Variants in LRP1B observed in about 807,000 individuals in gnomAD.
The protein encoded by LRP1B is LDL receptor related protein 1B, also known as low-density lipoprotein receptor-related protein 1B.
A neutral mutation model predicts 556.6 loss-of-function variants in LRP1B; 217 were observed. The observed-to-expected ratio is 0.39, with a 90% CI of 0.35 to 0.44. The LOEUF is 0.44. Among genes scored for constraint, LRP1B ranks in the 20% least tolerant of loss-of-function variants. The pLI is 1.00. For synonymous variants in LRP1B, 2,047 were observed against 1,865.8 expected (o/e 1.10, Z -2.50); for missense variants, 5,053 against 5,620.8 (o/e 0.90, Z 3.23).
At chr2:141,036,714 T>C (rs1413880191) in intron 11 of LRP1B, among the ~76,000 whole-genome samples, 1 of 151,932 alleles carries the variant, frequency 6.6e-6, no homozygotes, top group Non-Finnish European at 1.5e-5. Context: ...TGCTAGTGTA[T>C]TGCTTGGAAA....
At chr2:141,103,911 C>T (rs1165427895) in intron 7 of LRP1B, among the ~76,000 whole-genome samples, 2 of 152,054 alleles carry the variant, frequency 1.3e-5, no homozygotes, top group East Asian at 1.9e-4. Context: ...GTACCAACCA[C>T]ATTTGGCATT....
chr2:141,010,463 A>G (rs1697707832), intron 14 of LRP1B, among the ~76,000 whole-genome samples: 1 of 151,988 alleles, frequency 6.6e-6, no homozygotes, highest in South Asian at 2.1e-4. Flanking sequence ...TTAATATGTT[A>G]TCTATTTATA....
At chr2:140,760,854 A>G (rs568874580) in intron 35 of LRP1B, among the ~76,000 whole-genome samples, 16 of 152,308 alleles carry the variant, frequency 1.1e-4, no homozygotes, top group Admixed American at 3.9e-4. Context: ...ACACCATCGC[A>G]TTCCAGCCTG....
At chr2:140,321,144 ATGTCTTGAATATGAGGTAAC>A (rs1256167611) in intron 82 of LRP1B, among the ~76,000 whole-genome samples, 2 of 152,088 alleles carry the variant, frequency 1.3e-5, no homozygotes, top group Non-Finnish European at 2.9e-5. Context: ...ATTATACCTA[ATGTCTTGAATATGAGGTAAC>A]TTATTTATTG....
chr2:140,757,684 G>A (rs563647798), intron 35 of LRP1B, among the ~76,000 whole-genome samples: 45 of 152,188 alleles, frequency 3.0e-4, no homozygotes, highest in Non-Finnish European at 6.3e-4. Context: ...AGTTAGAGAC[G>A]AGCCTGGCCA....
intron 66 of LRP1B, among the ~76,000 whole-genome samples, chr2:140,431,354 C>T (rs1483008705): frequency 6.6e-5 from 10 of 152,236 alleles, no homozygotes; most frequent in South Asian, 2.1e-4. Context: ...CCTGTATGGA[C>T]GCTCCTTTTT....
At chr2:141,109,109 C>T (rs554524330) in intron 7 of LRP1B, among the ~76,000 whole-genome samples, 1 of 152,266 alleles carries the variant, frequency 6.6e-6, no homozygotes, top group East Asian at 1.9e-4. Context: ...GTGTTTCTGG[C>T]CACCTGATGG....
chr2:141,678,781 T>C (rs769481402), intron 2 of LRP1B, among the ~76,000 whole-genome samples: 3 of 152,212 alleles, frequency 2.0e-5, no homozygotes, highest in Middle Eastern at 3.4e-3. Context: ...AGATGTCCAA[T>C]TAATAGTTAG....
intron 1 of LRP1B, among the ~76,000 whole-genome samples, chr2:142,066,308 T>C (rs1705106480): frequency 6.6e-6 from 1 of 151,478 alleles, no homozygotes; most frequent in Admixed American, 6.6e-5. Context: ...GCTTACTCTA[T>C]GTCTCTCCTC....
intron 43 of LRP1B, among the ~76,000 whole-genome samples, chr2:140,583,530 G>A (rs944699305): frequency 6.6e-6 from 1 of 151,332 alleles, no homozygotes; most frequent in Non-Finnish European, 1.5e-5. Flanking sequence ...TCTAAGATAC[G>A]TCTTTACTTA....
At chr2:141,899,930 C>T (rs1430371289) in intron 1 of LRP1B, among the ~76,000 whole-genome samples, 24 of 151,998 alleles carry the variant, frequency 1.6e-4, no homozygotes, top group Non-Finnish European at 2.9e-5. Context: ...ACTGTACTGA[C>T]TGTGCACTCA....
At chr2:141,763,274 A>C (rs1208122917) in intron 2 of LRP1B, among the ~76,000 whole-genome samples, 1 of 152,156 alleles carries the variant, frequency 6.6e-6, no homozygotes, top group African/African-American at 2.4e-5. Context: ...AACTTGATTT[A>C]ATGTTACAAT....
chr2:141,018,139 G>A (rs995218719), intron 12 of LRP1B, among the ~76,000 whole-genome samples: 16 of 151,968 alleles, frequency 1.1e-4, no homozygotes, highest in African/African-American at 2.9e-4. Flanking sequence ...GTGGGACTCC[G>A]TGTATTCTTC....
chr2:141,673,774 A>G (rs1216084576), intron 2 of LRP1B, among the ~76,000 whole-genome samples: 1 of 152,122 alleles, frequency 6.6e-6, no homozygotes, highest in African/African-American at 2.4e-5. Flanking sequence ...ATGTAGTGCC[A>G]TAGATCATTT....
In LRP1B at chr2:140,655,032, G is replaced by GTATATATATATATATATATATATATATA. The variant is rs145869246; in HGVS notation, c.6799+45217_6799+45218insTATATATATATATATATATATATATATA. Among the ~76,000 whole-genome samples the GTATATATATATATATATATATATATATA allele has an allele frequency of 3.5e-3, 519 of 146,842 alleles. 3 individuals are homozygous for GTATATATATATATATATATATATATATA. The highest frequency in any genetic ancestry group is 0.014 in the Admixed American group (199 of 14,400). On this transcript the variant is annotated intron_variant, in intron 41 of 90. Coordinates refer to ENST00000389484, the MANE Select transcript of LRP1B (RefSeq NM_018557.3). The stretch of plus-strand genomic sequence containing the variant: ...GAGAAATTTGTATGGGTATATGTAT[G>GTATATATATATATATATATATATATATA]TATATATATATATATCTCCTAGCTC...
intron 2 of LRP1B, among the ~76,000 whole-genome samples, chr2:141,636,609 T>G (rs1265037558): frequency 6.6e-6 from 1 of 152,138 alleles, no homozygotes; most frequent in East Asian, 1.9e-4. Context: ...TCATCACACG[T>G]AATATCAACA....
chr2:140,264,307 C>T (rs1023860535), intron 86 of LRP1B, among the ~76,000 whole-genome samples: 1 of 152,282 alleles, frequency 6.6e-6, no homozygotes, highest in South Asian at 2.1e-4. Context: ...CAGCTCACTG[C>T]AACCTCTGCC....
chr2:140,919,144 T>G (rs1694666362), intron 21 of LRP1B, among the ~76,000 whole-genome samples: 1 of 152,132 alleles, frequency 6.6e-6, no homozygotes, highest in Admixed American at 6.6e-5. Flanking sequence ...GAAAGTTTTC[T>G]TCACATATGT....
In LRP1B at chr2:140,566,263, G is replaced by T. The variant is rs78345214; in HGVS notation, c.7195-24292C>A. 3.5e-3 allele frequency among the ~76,000 whole-genome samples: 533 copies of T among 152,288 alleles called. 3 individuals are homozygous for T. The highest frequency in any genetic ancestry group is 0.012 in the African/African-American group (503 of 41,556). On this transcript the variant is annotated intron_variant, in intron 43 of 90. Coordinates refer to ENST00000389484, the MANE Select transcript of LRP1B (RefSeq NM_018557.3). ...CTCCACCCTACCCTTCCCAGTTGCA[G>T]GTGAGCCCTACCCCTAGAAGGCTGA...
Sources: gnomAD v4.1 joint callset for allele counts (sites outside exome capture counted in the v4.1 genomes callset) on GRCh38, gnomAD v4.1.1 for gene constraint, MANE v1.5 for transcripts, NCBI Gene and HGNC (gene_info 2026-07-23, HGNC 2026-07-21) for gene names.